The following ELAPOR2 variants were observed in gnomAD, a reference collection of about 807,000 sequenced individuals.
ELAPOR2 encodes endosome/lysosome-associated apoptosis and autophagy regulator family member 2.
A neutral mutation model predicts 120.7 loss-of-function variants in ELAPOR2; 89 were observed. The ratio of observed to expected loss-of-function variants is 0.74; its 90% CI spans 0.62 to 0.88. The LOEUF (loss-of-function observed/expected upper bound fraction) is 0.88. Ranked by LOEUF, ELAPOR2 falls within the 40% of genes least tolerant of loss-of-function variation. The pLI is 0.00. For synonymous variants in ELAPOR2, 444 were observed against 444.9 expected (o/e 1.00, Z 0.03); for missense variants, 1,134 against 1,251.6 (o/e 0.91, Z 1.42).
intron 1 of ELAPOR2, among the ~76,000 whole-genome samples, chr7:87,056,678 CA>C (rs1350879904): frequency 6.6e-6 from 1 of 152,170 alleles, no homozygotes; most frequent in African/African-American, 2.4e-5. Flanking sequence ...CATTCCTCTG[CA>C]AAAATCTAAA....
rs375909547 is a variant in ELAPOR2, at chr7:86,932,499, A to G, written c.1090-5583T>C. On this transcript the variant is annotated intron_variant, in intron 8 of 21. Transcript: ENST00000450689. ...CCCACAATAGGAGGGTGGCGGGGGG[A>G]GACAAACACTGCACAGGTTACTCTG... 4.0e-4 allele frequency among the ~76,000 whole-genome samples: 61 copies of G among 151,990 alleles called. 1 individual carries two copies. The Middle Eastern group carries it at 0.014, about 34-fold the overall frequency.
intron 1 of ELAPOR2, among the ~76,000 whole-genome samples, chr7:87,047,436 G>A (rs1794986050): frequency 6.6e-6 from 1 of 152,126 alleles, no homozygotes; most frequent in Non-Finnish European, 1.5e-5. Context: ...CATCTGACAA[G>A]GGATTACTAA....
At chr7:86,991,182 C>G (rs6955246) in intron 1 of ELAPOR2, among the ~76,000 whole-genome samples, 57,576 of 152,012 alleles carry the variant, frequency 0.38, 11,749 homozygotes, top group African/African-American at 0.53. Flanking sequence ...CCAAGAACTA[C>G]CAAAGTGCCT....
chr7:87,054,096 T>A (rs1407629387), intron 1 of ELAPOR2, among the ~76,000 whole-genome samples: 1 of 152,220 alleles, frequency 6.6e-6, no homozygotes, highest in Non-Finnish European at 1.5e-5. Flanking sequence ...TATATATACA[T>A]ATTGAATATT....
chr7:87,024,256 G>T (rs1794165887), intron 1 of ELAPOR2, among the ~76,000 whole-genome samples: 1 of 152,146 alleles, frequency 6.6e-6, no homozygotes, highest in African/African-American at 2.4e-5. Flanking sequence ...CTAATTTATT[G>T]AGAGTTTTTA....
chr7:86,997,906 G>A (rs796765190), intron 1 of ELAPOR2, among the ~76,000 whole-genome samples: 4 of 152,284 alleles, frequency 2.6e-5, no homozygotes, highest in African/African-American at 9.6e-5. Context: ...CCTTTCGTAT[G>A]TTTTCACATA....
At chr7:87,040,965 T>C (rs1584032858) in intron 1 of ELAPOR2, among the ~76,000 whole-genome samples, 2 of 151,824 alleles carry the variant, frequency 1.3e-5, no homozygotes. Flanking sequence ...ACGTGAAGAA[T>C]GGAGAAGCCT....
chr7:87,024,176 T>G (rs1234280525), intron 1 of ELAPOR2, among the ~76,000 whole-genome samples: 2 of 152,178 alleles, frequency 1.3e-5, no homozygotes, highest in Admixed American at 1.3e-4. Flanking sequence ...TTTTTGCCCA[T>G]TCAGTATGAT....
intron 1 of ELAPOR2, among the ~76,000 whole-genome samples, chr7:86,971,999 G>T (rs1259550305): frequency 6.6e-6 from 1 of 152,118 alleles, no homozygotes; most frequent in Non-Finnish European, 1.5e-5. Flanking sequence ...AGGCAACCAT[G>T]GCTAGGTGAA....
chr7:87,054,393 A>T (rs1795202578), intron 1 of ELAPOR2, among the ~76,000 whole-genome samples: 1 of 152,230 alleles, frequency 6.6e-6, no homozygotes, highest in Non-Finnish European at 1.5e-5. Context: ...ACTTGCTCGC[A>T]TTTGCCTAAA....
rs1789713764 is a variant in ELAPOR2 at position 86,919,336 on chromosome 7, T to G, written c.1400-26A>C. The G allele has an allele frequency of 3.6e-6, 5 of 1,394,654 alleles. No homozygotes were observed. The East Asian group carries it at 1.2e-4, about 33-fold the overall frequency. 86.4% of individuals were successfully genotyped at this position (1,394,654 alleles called of 1,614,324 possible). A position where few individuals can be genotyped will look rare whatever the true frequency, so the allele number is the denominator to read the frequency against. On this transcript the variant is annotated intron_variant, in intron 10 of 21. Coordinates refer to ENST00000450689, the MANE Select transcript of ELAPOR2 (RefSeq NM_001142749.3). ...CTAGAAGTAATAAAAGTCATTTTTA[T>G]TAATAAAAATTCCATTAATGATCTC...
chr7:87,034,076 A>C (rs971524893), intron 1 of ELAPOR2, among the ~76,000 whole-genome samples: 3 of 152,196 alleles, frequency 2.0e-5, no homozygotes, highest in African/African-American at 7.2e-5. Context: ...ATGCCAAAAA[A>C]CATTACCAAA....
At chr7:86,949,350 C>T (rs1791136537) in intron 2 of ELAPOR2, among the ~76,000 whole-genome samples, 1 of 152,158 alleles carries the variant, frequency 6.6e-6, no homozygotes, top group African/African-American at 2.4e-5. Context: ...CCTTTAAGGG[C>T]TATACTGATG....
intron 1 of ELAPOR2, among the ~76,000 whole-genome samples, chr7:87,045,481 C>T (rs1794922698): frequency 6.6e-6 from 1 of 151,120 alleles, no homozygotes; most frequent in African/African-American, 2.5e-5. Flanking sequence ...AATTGGAAAT[C>T]ATCATTCTCA....
At chr7:87,051,867 T>C (rs192473700) in intron 1 of ELAPOR2, among the ~76,000 whole-genome samples, 23 of 152,364 alleles carry the variant, frequency 1.5e-4, no homozygotes, top group Admixed American at 1.5e-3. Flanking sequence ...ATTTCCATAT[T>C]TGTGTCTTCT....
At chr7:87,006,926 T>C (rs1793501335) in intron 1 of ELAPOR2, among the ~76,000 whole-genome samples, 3 of 152,072 alleles carry the variant, frequency 2.0e-5, no homozygotes, top group Non-Finnish European at 4.4e-5. Flanking sequence ...TCAAAAAACA[T>C]GATGTTGAGT....
At position 86,880,400 on chromosome 7, in the gene ELAPOR2, C is replaced by G. The variant is rs1194385062; in HGVS notation, c.*71G>C. On this transcript the variant is annotated 3_prime_UTR_variant, in exon 22 of 22. Coordinates refer to ENST00000450689, the MANE Select transcript of ELAPOR2 (RefSeq NM_001142749.3). The stretch of plus-strand genomic sequence containing the variant: ...AATGTGACAGGTATGAGGACAGACC[C>G]TAAAATATGGTCCTGTAAAACTAGA... 7 of 1,145,588 alleles carry G rather than the reference C, an allele frequency of 6.1e-6. No homozygotes were observed. The highest frequency in any genetic ancestry group is 9.2e-6 in the Non-Finnish European group (7 of 756,940). 71.0% of individuals were successfully genotyped at this position (1,145,588 alleles called of 1,614,324 possible). A position where few individuals can be genotyped will look rare whatever the true frequency, so the allele number is the denominator to read the frequency against.
chr7:86,902,072 G>A (rs953961707), intron 18 of ELAPOR2, among the ~76,000 whole-genome samples: 2 of 152,190 alleles, frequency 1.3e-5, no homozygotes, highest in African/African-American at 4.8e-5. Flanking sequence ...CAGATTCAGT[G>A]TCTGGTGAGG....
intron 2 of ELAPOR2, among the ~76,000 whole-genome samples, chr7:86,959,765 G>A (rs1791632223): frequency 6.6e-6 from 1 of 152,106 alleles, no homozygotes. Flanking sequence ...CCTTAGGCCA[G>A]TTTTTAGCTT....
Sources: allele counts gnomAD v4.1 joint callset (sites outside exome capture counted in the v4.1 genomes callset), GRCh38; gene constraint gnomAD v4.1.1; transcripts MANE v1.5; gene names NCBI Gene and HGNC (gene_info 2026-07-23, HGNC 2026-07-21).